The following BRIP1 variants were observed in gnomAD, a reference collection of about 807,000 sequenced individuals.
The protein encoded by BRIP1 is Fanconi anemia group J protein.
BRIP1 carries 88 observed loss-of-function variants against 119.7 expected under a neutral mutation model. The ratio of observed to expected loss-of-function variants is 0.74; its 90% CI spans 0.62 to 0.88. The LOEUF is 0.88. BRIP1 is among the 40% of genes least tolerant of loss of function. BRIP1 has a pLI of 0.00. For synonymous variants in BRIP1, 443 were observed against 496.5 expected (o/e 0.89, Z 1.43); for missense variants, 1,259 against 1,455.4 (o/e 0.87, Z 2.20).
Position 61,745,774 on chromosome 17 carries a change from T to C in BRIP1, c.2098-1183A>G, listed in dbSNP as rs1196478137. ...AGAAAAGCACTCACAATTCGAAACA[T>C]GTGGCATACAGCAATGGCAATACAT... On this transcript the variant is annotated intron_variant, in intron 14 of 19. Coordinates refer to ENST00000259008, the MANE Select transcript of BRIP1 (RefSeq NM_032043.3). The surrounding 1 kb of genome is among the most constrained non-coding windows in gnomAD (Gnocchi z 4.4). 6.6e-6 allele frequency among the ~76,000 whole-genome samples: 1 copy of C among 151,928 alleles called. No homozygotes were observed. The highest frequency in any genetic ancestry group is 1.5e-5 in the Non-Finnish European group (1 of 68,034).
Position 61,767,935 on chromosome 17 carries a change from C to T in BRIP1, c.2097+8466G>A, listed in dbSNP as rs1327029514. Among the ~76,000 whole-genome samples, 1 of 152,188 alleles carries T rather than the reference C, an allele frequency of 6.6e-6. No homozygotes were observed. Among genetic ancestry groups the T allele is most frequent in the Non-Finnish European group, 1.5e-5 (1 of 68,038 alleles). On this transcript the variant is annotated intron_variant, in intron 14 of 19. Transcript: ENST00000259008. The surrounding 1 kb of genome is among the most constrained non-coding windows in gnomAD (Gnocchi z 5.7). Reference sequence around the variant, plus strand: ...TCTTTAATACCCACTGAAATATCAACCACCTCCTCTAGGAAACTCCTCTGC... The same window carrying T: ...TCTTTAATACCCACTGAAATATCAATCACCTCCTCTAGGAAACTCCTCTGC...
chr17:61,776,336 G>T lies in BRIP1; in HGVS notation c.2097+65C>A, dbSNP rs2145022973. The T allele has an allele frequency of 6.3e-7, 1 of 1,580,824 alleles. No individual in the cohort carries two copies. The highest frequency in any genetic ancestry group is 8.7e-7 in the Non-Finnish European group (1 of 1,150,588). On this transcript the variant is annotated intron_variant, in intron 14 of 19. Transcript: ENST00000259008. This position sits in a 1 kb window ranked among gnomAD's most constrained non-coding sequence, Gnocchi z 5.0. ...GCTTACTGTGGTAATTTTAAAATTA[G>T]CATGCCAATGTTTAAAATGTAAATG...
chr17:61,774,256 T>C lies in BRIP1; in HGVS notation c.2097+2145A>G, dbSNP rs1210297326. On this transcript the variant is annotated intron_variant, in intron 14 of 19. Coordinates refer to ENST00000259008, the MANE Select transcript of BRIP1 (RefSeq NM_032043.3). This position sits in a 1 kb window ranked among gnomAD's most constrained non-coding sequence, Gnocchi z 5.8. ...TACACCATAGAATACTATGCAGCCA[T>C]AAAAAAGGATGAGTTCATGTCCTTT... Among the ~76,000 whole-genome samples the C allele has an allele frequency of 1.3e-5, 2 of 152,088 alleles. No individual in the cohort carries two copies. Among genetic ancestry groups the C allele is most frequent in the Admixed American group, 1.3e-4 (2 of 15,264 alleles).
intron 16 of BRIP1, among the ~76,000 whole-genome samples, chr17:61,716,731 A>C (rs2061870623): frequency 2.2e-5 from 1 of 44,740 alleles, no homozygotes. Flanking sequence ...CCCAATCTGT[A>C]CCATTTTGTT....
At position 61,828,136 on chromosome 17, in the gene BRIP1, A is replaced by G. The variant is rs2078436947; in HGVS notation, c.627+18965T>C. Among the ~76,000 whole-genome samples, 1 of 152,248 alleles carries G rather than the reference A, an allele frequency of 6.6e-6. No homozygotes were observed. The highest frequency in any genetic ancestry group is 2.1e-4 in the South Asian group (1 of 4,836). ...CACAGCAGCATTATTCAAAATAGCA[A>G]AAAGATGGAAACAACCCAGATGTCC... On this transcript the variant is annotated intron_variant, in intron 6 of 19. Transcript: ENST00000259008. The surrounding 1 kb of genome is among the most constrained non-coding windows in gnomAD (Gnocchi z 4.1).
rs1373536792 is a variant in BRIP1, at chr17:61,863,420, C to T, written c.-167G>A. 6.6e-6 allele frequency: 1 copy of T among 152,308 alleles called. No homozygotes were observed. Among genetic ancestry groups the T allele is most frequent in the Admixed American group, 6.5e-5 (1 of 15,286 alleles). The allele number at this position is 152,308 out of a possible 1,614,324, so 9.4% of individuals were successfully genotyped here. ...CACGAGCCCTTCCTCCTCCCTCTTCCTGGGGGTGCTGCTACTTCCCCGGCC... is the reference window on the plus strand; with the variant it reads ...CACGAGCCCTTCCTCCTCCCTCTTCTTGGGGGTGCTGCTACTTCCCCGGCC... On this transcript the variant is annotated 5_prime_UTR_variant, in exon 1 of 20. Transcript: ENST00000259008.
rs2078136152 is a variant in BRIP1 at position 61,809,930 on chromosome 17, T to G, written c.628-1173A>C. ...AAGCTGTCTTTTAGCCTCAACTCAG[T>G]GGAAAAGCAAGTTCAAATTACTCCC... On this transcript the variant is annotated intron_variant, in intron 6 of 19. Transcript: ENST00000259008. The surrounding 1 kb of genome is among the most constrained non-coding windows in gnomAD (Gnocchi z 5.2). Among the ~76,000 whole-genome samples the G allele has an allele frequency of 6.6e-6, 1 of 152,140 alleles. No individual in the cohort carries two copies.
In BRIP1 at chr17:61,769,199, T is replaced by G. The variant is rs2077413299; in HGVS notation, c.2097+7202A>C. 6.6e-6 allele frequency among the ~76,000 whole-genome samples: 1 copy of G among 152,178 alleles called. No individual in the cohort carries two copies. Among genetic ancestry groups the G allele is most frequent in the Non-Finnish European group, 1.5e-5 (1 of 68,030 alleles). ...GTTGACTCTGCTGGGAGCCTTGTAA[T>G]ACACTGAGAAGAAAAACCCAGATAA... On this transcript the variant is annotated intron_variant, in intron 14 of 19. Coordinates refer to ENST00000259008, the MANE Select transcript of BRIP1 (RefSeq NM_032043.3). The surrounding 1 kb of genome is among the most constrained non-coding windows in gnomAD (Gnocchi z 4.9).
rs2078209713 is a variant in BRIP1 at position 61,814,595 on chromosome 17, T to G, written c.628-5838A>C. ...CCACCAGATTGGGTACTGGAGAGGATATGAAGAAACTCTTATTCACTGCTG... is the reference window on the plus strand; with the variant it reads ...CCACCAGATTGGGTACTGGAGAGGAGATGAAGAAACTCTTATTCACTGCTG... On this transcript the variant is annotated intron_variant, in intron 6 of 19. Transcript: ENST00000259008. The surrounding 1 kb of genome is among the most constrained non-coding windows in gnomAD (Gnocchi z 4.9). Among the ~76,000 whole-genome samples the G allele has an allele frequency of 6.6e-6, 1 of 152,040 alleles. No individual in the cohort carries two copies. The highest frequency in any genetic ancestry group is 2.1e-4 in the South Asian group (1 of 4,834).
chr17:61,847,046 T>C, intron 6 of BRIP1, 55 bp downstream of exon 6: 2 of 1,607,986 alleles, frequency 1.2e-6, no homozygotes, highest in Non-Finnish European at 1.7e-6. Flanking sequence ...AAAAATTGGT[T>C]TAGAAAATTC....
rs1470433836 is a variant in BRIP1 at position 61,860,207 on chromosome 17, T to C, written c.94-300A>G. On this transcript the variant is annotated intron_variant, in intron 2 of 19. Transcript: ENST00000259008. The surrounding 1 kb of genome is among the most constrained non-coding windows in gnomAD (Gnocchi z 4.1). ...AATACATTACTACCTATCAATATAT[T>C]TGATGAAAACTTAATGAAGGATACT... is the stretch of plus-strand genomic sequence containing the variant. Among the ~76,000 whole-genome samples, 1 of 152,202 alleles carries C rather than the reference T, an allele frequency of 6.6e-6. No homozygotes were observed. The highest frequency in any genetic ancestry group is 1.5e-5 in the Non-Finnish European group (1 of 68,042).
At position 61,738,102 on chromosome 17, in the gene BRIP1, T is replaced by C. The variant is rs2076942341; in HGVS notation, c.2379+4911A>G. Among the ~76,000 whole-genome samples the C allele has an allele frequency of 6.6e-6, 1 of 152,198 alleles. No individual in the cohort carries two copies. Among genetic ancestry groups the C allele is most frequent in the South Asian group, 2.1e-4 (1 of 4,826 alleles). On this transcript the variant is annotated intron_variant, in intron 16 of 19. Transcript: ENST00000259008. The surrounding 1 kb of genome is among the most constrained non-coding windows in gnomAD (Gnocchi z 4.2). ...TACAGGTGGAACAGAGCTGACTCAG[T>C]TGACTTCAACACAGATCAGCCAACT... is the stretch of plus-strand genomic sequence containing the variant.
rs2077152245 is a variant in BRIP1 at position 61,753,008 on chromosome 17, T to TGACA, written c.2098-8421_2098-8418dup. ...TTGAGAGGTGGGGGATTTTAAGAGG[T>TGACA]GACAGGGTAACAAGAGTGCTGCCCT... On this transcript the variant is annotated intron_variant, in intron 14 of 19. Transcript: ENST00000259008. This position sits in a 1 kb window ranked among gnomAD's most constrained non-coding sequence, Gnocchi z 4.6. 6.6e-6 allele frequency among the ~76,000 whole-genome samples: 1 copy of TGACA among 152,090 alleles called. No homozygotes were observed. Among genetic ancestry groups the TGACA allele is most frequent in the African/African-American group, 2.4e-5 (1 of 41,402 alleles).
intron 6 of BRIP1, among the ~76,000 whole-genome samples, chr17:61,817,369 T>C (rs2078252383): frequency 6.6e-6 from 1 of 152,220 alleles, no homozygotes; most frequent in Admixed American, 6.5e-5. Context: ...AGGTAATTTT[T>C]ACTTTCTCCT....
chr17:61,771,693 T>C (rs1195056603), intron 14 of BRIP1, among the ~76,000 whole-genome samples: 1 of 152,104 alleles, frequency 6.6e-6, no homozygotes, highest in Non-Finnish European at 1.5e-5. Flanking sequence ...GGCGTGGTGG[T>C]TCACGCCTGT....
rs2077887709 is a variant in BRIP1 at position 61,795,616 on chromosome 17, T to G, written c.1341-1887A>C. Among the ~76,000 whole-genome samples the G allele has an allele frequency of 1.3e-5, 2 of 152,162 alleles. 1 individual carries two copies. The highest frequency in any genetic ancestry group is 2.9e-5 in the Non-Finnish European group (2 of 67,996). ...GTGTTATGGCTGAATGGTACTCCATTGTGTATATGTAACCACATTTTCTTT... is the reference window on the plus strand; with the variant it reads ...GTGTTATGGCTGAATGGTACTCCATGGTGTATATGTAACCACATTTTCTTT... On this transcript the variant is annotated intron_variant, in intron 9 of 19. Transcript: ENST00000259008. The surrounding 1 kb of genome is among the most constrained non-coding windows in gnomAD (Gnocchi z 5.6).
rs1309080795 is a variant in BRIP1 at position 61,775,803 on chromosome 17, G to A, written c.2097+598C>T. ...TGTTTCTTTCTACTCTGAAAATATC[G>A]ACTTGTCCCTAAGAATAAAAATGTA... On this transcript the variant is annotated intron_variant, in intron 14 of 19. Coordinates refer to ENST00000259008, the MANE Select transcript of BRIP1 (RefSeq NM_032043.3). The surrounding 1 kb of genome is among the most constrained non-coding windows in gnomAD (Gnocchi z 4.4). 3 of 152,014 alleles carry A rather than the reference G, an allele frequency of 2.0e-5. No homozygotes were observed. Among genetic ancestry groups the A allele is most frequent in the Non-Finnish European group, 4.4e-5 (3 of 68,006 alleles). The allele number at this position is 152,014 out of a possible 1,614,324, so 9.4% of individuals were successfully genotyped here. A position where few individuals can be genotyped will look rare whatever the true frequency, so the allele number is the denominator to read the frequency against.
In BRIP1 at chr17:61,720,939, G is replaced by C. The variant is rs7342839; in HGVS notation, c.2380-4876C>G. ...GCTCACTGCAACCTCCGCCTCCCAG[G>C]TTCAAGCAGTTCTCCTCTCAGCCTC... On this transcript the variant is annotated intron_variant, in intron 16 of 19. Coordinates refer to ENST00000259008, the MANE Select transcript of BRIP1 (RefSeq NM_032043.3). The surrounding 1 kb of genome is among the most constrained non-coding windows in gnomAD (Gnocchi z 4.3). Among the ~76,000 whole-genome samples, 1 of 152,014 alleles carries C rather than the reference G, an allele frequency of 6.6e-6. No individual in the cohort carries two copies. The highest frequency in any genetic ancestry group is 2.4e-5 in the African/African-American group (1 of 41,384).
In BRIP1 at chr17:61,726,322, C is replaced by T. The variant is rs531472964; in HGVS notation, c.2380-10259G>A. Among the ~76,000 whole-genome samples, 1 of 152,316 alleles carries T rather than the reference C, an allele frequency of 6.6e-6. No individual in the cohort carries two copies. The highest frequency in any genetic ancestry group is 2.1e-4 in the South Asian group (1 of 4,826). On this transcript the variant is annotated intron_variant, in intron 16 of 19. Transcript: ENST00000259008. This position sits in a 1 kb window ranked among gnomAD's most constrained non-coding sequence, Gnocchi z 6.2. ...GCATGAAACAGTAAAGCATCAGATA[C>T]TAGAGGTAAGTGGACGAGAAAGTCA...
Sources: gnomAD v4.1 joint callset for allele counts (sites outside exome capture counted in the v4.1 genomes callset) on GRCh38, gnomAD v4.1.1 for gene constraint, Gnocchi (gnomAD v3.1) non-coding constraint, MANE v1.5 for transcripts, NCBI Gene and HGNC (gene_info 2026-07-23, HGNC 2026-07-21) for gene names.